Variants in AHCY observed in about 807,000 individuals in gnomAD.
The protein encoded by AHCY is adenosylhomocysteinase, also known as S-adenosyl-L-homocysteine hydrolase.
In AHCY, 24 loss-of-function variants were observed where a neutral mutation model predicts 45.4. The observed-to-expected ratio is 0.53, with a 90% CI of 0.38 to 0.74. The LOEUF (loss-of-function observed/expected upper bound fraction) is 0.74, where lower values mean the gene tolerates loss of function less well. Ranked by LOEUF, AHCY falls within the 30% of genes least tolerant of loss-of-function variation. AHCY has a pLI of 0.00. For missense variants in AHCY, 449 were observed against 594.1 expected (o/e 0.76, Z 2.54); for synonymous variants, 245 against 235.1 (o/e 1.04, Z -0.39).
In AHCY at chr20:34,290,773, T is replaced by C. The variant is rs2036354381; in HGVS notation, c.724A>G (p.Thr242Ala). The C allele has an allele frequency of 6.2e-7, 1 of 1,613,896 alleles. No homozygotes were observed. The highest frequency in any genetic ancestry group is 8.5e-7 in the Non-Finnish European group (1 of 1,180,020). ...AGTGCGTTGATGGGGTCAATCTCGG[T>C]GATGATGACGCGGGCTCCGAAACCC... is the stretch of plus-strand genomic sequence containing the variant. ...LRGFGARVIITEIDPINALQA... is the reference protein window; with the variant it reads ...LRGFGARVIIAEIDPINALQA... Residue 242 changes from threonine to alanine, a missense_variant, in exon 6 of 10, where the codon ACC becomes GCC. Physicochemically the swap from Thr to Ala is moderately conservative, Grantham distance 58. Transcript: ENST00000217426. The surrounding 1 kb of genome is among the most constrained non-coding windows in gnomAD (Gnocchi z 4.5).
At chr20:34,276,626 T>C (rs977851371), downstream of AHCY, among the ~76,000 whole-genome samples, 1 of 151,900 alleles carries the variant, frequency 6.6e-6, no homozygotes, top group Non-Finnish European at 1.5e-5. Context: ...CCTTGCAAGG[T>C]TGTAACTCCT....
At chr20:34,293,585 G>C (rs1275305989) in intron 3 of AHCY, 1 of 276,300 alleles carries the variant, frequency 3.6e-6, no homozygotes, top group Non-Finnish European at 7.0e-6. Flanking sequence ...CCTGTGGTTG[G>C]TTAGAAGCAA....
At chr20:34,275,649 A>G (rs1601627760), downstream of AHCY, among the ~76,000 whole-genome samples, 1 of 148,974 alleles carries the variant, frequency 6.7e-6, no homozygotes, top group African/African-American at 2.5e-5. Flanking sequence ...GGAATGTGTC[A>G]CTCTCTCTCA....
In AHCY at chr20:34,285,721, A is replaced by G. The variant is rs1281179757; in HGVS notation, c.973-87T>C. 3.5e-5 allele frequency: 52 copies of G among 1,486,050 alleles called. No homozygotes were observed. In the South Asian group the frequency reaches 4.4e-4, roughly 13 times the overall value. 92.1% of individuals were successfully genotyped at this position (1,486,050 alleles called of 1,614,324 possible). The stretch of plus-strand genomic sequence containing the variant: ...GATCTGGCAGGCCTCTCTGCCTCCA[A>G]CAGTGCCCATGAGGAGTCCGAACTG... On this transcript the variant is annotated intron_variant, in intron 8 of 9. Coordinates refer to ENST00000217426, the MANE Select transcript of AHCY (RefSeq NM_000687.4).
chr20:34,246,470 G>T, the AHCY span: 5 of 1,398,950 alleles, frequency 3.6e-6, no homozygotes, highest in Non-Finnish European at 5.0e-6. Context: ...TGGGTAATTG[G>T]CATCTAACTT....
chr20:34,252,369 G>C, the AHCY span, among the ~76,000 whole-genome samples: 1 of 152,178 alleles, frequency 6.6e-6, no homozygotes, highest in African/African-American at 2.4e-5. Context: ...GGAAACATGT[G>C]AGCAAAGGAA....
intron 9 of AHCY, among the ~76,000 whole-genome samples, chr20:34,282,581 T>C (rs1303149588): frequency 6.6e-6 from 1 of 152,220 alleles, no homozygotes; most frequent in Non-Finnish European, 1.5e-5. Flanking sequence ...AGGATTCTAA[T>C]CCACTGCCAT....
chr20:34,277,972 T>C (rs2035923390), downstream of AHCY, among the ~76,000 whole-genome samples: 1 of 152,084 alleles, frequency 6.6e-6, no homozygotes, highest in African/African-American at 2.4e-5. Context: ...CCCATCTCTT[T>C]CCTGGAAAAA....
chr20:34,301,844 A>C, intron 1 of AHCY: 1 of 985,454 alleles, frequency 1.0e-6, no homozygotes, highest in Non-Finnish European at 1.2e-6. Flanking sequence ...GAATCTTTGC[A>C]AGTCACCTCC....
chr20:34,306,079 CAAAAAA>C (rs56039506), upstream of AHCY, among the ~76,000 whole-genome samples: 19 of 103,098 alleles, frequency 1.8e-4, no homozygotes, highest in African/African-American at 4.2e-4. Context: ...AAGACTGCCT[CAAAAAA>C]AAAAAAAAAA....
the AHCY span, among the ~76,000 whole-genome samples, chr20:34,235,844 G>GA: frequency 3.8e-4 from 10 of 26,032 alleles, no homozygotes; most frequent in African/African-American, 3.2e-3. Flanking sequence ...AAAGAAAGAA[G>GA]GAAGGAAGGA....
chr20:34,273,909 T>C, the AHCY span, among the ~76,000 whole-genome samples: 1 of 152,332 alleles, frequency 6.6e-6, no homozygotes, highest in East Asian at 1.9e-4. Flanking sequence ...TATTAATTGA[T>C]TGCCTGCAGA....
chr20:34,233,213 TCTC>T, the AHCY span, among the ~76,000 whole-genome samples: 1 of 148,938 alleles, frequency 6.7e-6, no homozygotes, highest in Admixed American at 6.8e-5. Context: ...AATGGTGTGA[TCTC>T]AGCTCACTGA....
At chr20:34,234,036 CAG>C in the AHCY span, among the ~76,000 whole-genome samples, 1 of 152,218 alleles carries the variant, frequency 6.6e-6, no homozygotes, top group African/African-American at 2.4e-5. Context: ...TTCAGAAACA[CAG>C]AGTCCCTTAC....
chr20:34,291,971 G>A (rs891283950), intron 4 of AHCY, among the ~76,000 whole-genome samples: 1 of 152,298 alleles, frequency 6.6e-6, no homozygotes, highest in South Asian at 2.1e-4. Flanking sequence ...TGGTCTTCAC[G>A]AAGTTCACAC....
At chr20:34,303,488 A>C (rs1000519702), upstream of AHCY, 4 of 717,710 alleles carry the variant, frequency 5.6e-6, no homozygotes, top group African/African-American at 7.1e-5. Flanking sequence ...TCAGAATTTC[A>C]CAAGGCGTGG....
chr20:34,286,411 A>G (rs1049831713), intron 8 of AHCY: 1 of 152,612 alleles, frequency 6.6e-6, no homozygotes, highest in Non-Finnish European at 1.5e-5. Context: ...GGAGGCTGCA[A>G]TTTGAGTCTG....
At chr20:34,286,037 G>A in intron 8 of AHCY, 1 of 277,418 alleles carries the variant, frequency 3.6e-6, no homozygotes, top group South Asian at 3.6e-5. Context: ...CCTGGGAGGT[G>A]GAGTTTGCAG....
intron 1 of AHCY, among the ~76,000 whole-genome samples, chr20:34,301,211 C>A (rs982838152): frequency 2.0e-5 from 3 of 152,132 alleles, no homozygotes; most frequent in Admixed American, 2.0e-4. Context: ...AGAGCAGAGG[C>A]CCCTCTCAAG....
Sources: gnomAD v4.1 joint callset for allele counts (sites outside exome capture counted in the v4.1 genomes callset) on GRCh38, gnomAD v4.1.1 for gene constraint, Gnocchi (gnomAD v3.1) non-coding constraint, MANE v1.5 for transcripts, NCBI Gene and HGNC (gene_info 2026-07-23, HGNC 2026-07-21) for gene names.